NME7: variants seen among roughly 807,000 people sequenced by gnomAD.
The protein encoded by NME7 is nucleoside diphosphate kinase 7.
A neutral mutation model predicts 49.1 loss-of-function variants in NME7; 41 were observed. The observed-to-expected ratio is 0.83, with a 90% CI of 0.65 to 1.08. The LOEUF is 1.08. Ranked by LOEUF, NME7 falls within the 50% of genes least tolerant of loss-of-function variation. The pLI, the probability that NME7 is intolerant of heterozygous loss-of-function variation, is 0.00. For synonymous variants in NME7, 139 were observed against 150.6 expected, an observed-to-expected ratio of 0.92 and a Z score of 0.56; for missense variants, 423 against 463.4, an observed-to-expected ratio of 0.91 and a Z score of 0.80.
intron 11 of NME7, among the ~76,000 whole-genome samples, chr1:169,164,592 T>C (rs569970041): frequency 6.6e-6 from 1 of 152,112 alleles, no homozygotes; most frequent in Non-Finnish European, 1.5e-5. Context: ...CACTATAGTA[T>C]AGGAAGGCAA....
rs192344944 is a variant in NME7, at chr1:169,367,610, G to A, written c.3+98C>T. ...AAAGAGATAACGGGGAGAAGGTCGG[G>A]AGGACCGGACAACTTTAAGTGCCCA... On this transcript the variant is annotated intron_variant, in intron 1 of 11. Coordinates refer to ENST00000367811, the MANE Select transcript of NME7 (RefSeq NM_013330.5). The A allele has an allele frequency of 4.0e-5, 55 of 1,362,792 alleles. No individual in the cohort carries two copies. The East Asian group carries it at 9.1e-4, about 23-fold the overall frequency. 84.4% of individuals were successfully genotyped at this position (1,362,792 alleles called of 1,614,324 possible). A position where few individuals can be genotyped will look rare whatever the true frequency, so the allele number is the denominator to read the frequency against.
chr1:169,251,349 C>T (rs1388096774), intron 7 of NME7, among the ~76,000 whole-genome samples: 2 of 151,722 alleles, frequency 1.3e-5, no homozygotes, highest in African/African-American at 4.8e-5. Flanking sequence ...ACTCCTATAC[C>T]CTAAGTTTAT....
chr1:169,329,998 T>C (rs188411925), intron 1 of NME7, among the ~76,000 whole-genome samples: 22 of 152,240 alleles, frequency 1.4e-4, no homozygotes, highest in African/African-American at 5.1e-4. Flanking sequence ...CAACAGACTT[T>C]TCAATGGGAA....
intron 10 of NME7, among the ~76,000 whole-genome samples, chr1:169,187,509 T>G (rs935395013): frequency 2.0e-5 from 3 of 152,202 alleles, no homozygotes; most frequent in African/African-American, 7.2e-5. Flanking sequence ...ATACCCTTCT[T>G]TGTCTTTTTT....
chr1:169,339,667 C>T (rs1246417703), intron 1 of NME7, among the ~76,000 whole-genome samples: 1 of 152,184 alleles, frequency 6.6e-6, no homozygotes, highest in Non-Finnish European at 1.5e-5. Context: ...ATGTGCTAGA[C>T]ATTTTCCATT....
rs199548503 is a variant in NME7, at chr1:169,317,847, G to GCT, written c.278+5268_278+5269dup. On this transcript the variant is annotated intron_variant, in intron 3 of 11. Transcript: ENST00000367811. ...TCTATCCCTGTTCCCATAAGAAAGTGCTCTCTCTCTCTACTTCTTCCATTT... is the reference window on the plus strand; with the variant it reads ...TCTATCCCTGTTCCCATAAGAAAGTGCTCTCTCTCTCTCTACTTCTTCCATTT... 2.7e-3 allele frequency among the ~76,000 whole-genome samples: 408 copies of GCT among 152,068 alleles called. 2 individuals are homozygous for GCT. Among genetic ancestry groups the GCT allele is most frequent in the African/African-American group, 9.0e-3 (375 of 41,482 alleles).
In NME7 at chr1:169,231,697, G is replaced by A. The variant is rs1411614168; in HGVS notation, c.889-878C>T. Among the ~76,000 whole-genome samples, 5 of 151,336 alleles carry A rather than the reference G, an allele frequency of 3.3e-5. No homozygotes were observed. The East Asian group carries it at 9.6e-4, about 29-fold the overall frequency. ...AGAGTTTATGTTTCTACCAGCCAGAGTGAAAGGCCTTTTTATATGATATAT... is the reference window on the plus strand; with the variant it reads ...AGAGTTTATGTTTCTACCAGCCAGAATGAAAGGCCTTTTTATATGATATAT... On this transcript the variant is annotated intron_variant, in intron 9 of 11. Transcript: ENST00000367811.
intron 10 of NME7, among the ~76,000 whole-genome samples, chr1:169,223,258 C>T (rs1661199431): frequency 6.6e-6 from 1 of 151,934 alleles, no homozygotes; most frequent in Non-Finnish European, 1.5e-5. Flanking sequence ...ATTTAATTTT[C>T]CTCCAATCTA....
At chr1:169,361,562 C>T (rs1279997621) in intron 1 of NME7, among the ~76,000 whole-genome samples, 1 of 152,084 alleles carries the variant, frequency 6.6e-6, no homozygotes, top group Non-Finnish European at 1.5e-5. Flanking sequence ...GGCGGATGAC[C>T]TGAGATCAGG....
intron 6 of NME7, among the ~76,000 whole-genome samples, chr1:169,290,611 C>T (rs1237381832): frequency 1.3e-5 from 2 of 152,118 alleles, no homozygotes; most frequent in African/African-American, 2.4e-5. Context: ...TAGGCAAAGA[C>T]TTCATGACTA....
chr1:169,335,091 T>G (rs1210624496), intron 1 of NME7, among the ~76,000 whole-genome samples: 1 of 152,150 alleles, frequency 6.6e-6, no homozygotes, highest in Non-Finnish European at 1.5e-5. Context: ...GAAATAGGAA[T>G]GCTTTTACGT....
chr1:169,233,453 G>T (rs1030200815), intron 9 of NME7, among the ~76,000 whole-genome samples: 1 of 152,162 alleles, frequency 6.6e-6, no homozygotes, highest in African/African-American at 2.4e-5. Context: ...CTACGGGAAA[G>T]TAGTAAGAGA....
chr1:169,150,306 G>T (rs554617980), intron 11 of NME7, among the ~76,000 whole-genome samples: 2 of 152,026 alleles, frequency 1.3e-5, no homozygotes, highest in Non-Finnish European at 2.9e-5. Context: ...AGAGTCTAAG[G>T]GCAAGCTAGT....
rs145263119 is a variant in NME7, at chr1:169,365,157, G to C, written c.3+2551C>G. Among the ~76,000 whole-genome samples, 15 of 152,156 alleles carry C rather than the reference G, an allele frequency of 9.9e-5. No individual in the cohort carries two copies. In the East Asian group the frequency reaches 2.9e-3, roughly 29 times the overall value. ...CACCTAGACAACTGACTCAGCACAG[G>C]AAGACAGTTTGGAAACACCTATAAA... On this transcript the variant is annotated intron_variant, in intron 1 of 11. Coordinates refer to ENST00000367811, the MANE Select transcript of NME7 (RefSeq NM_013330.5).
intron 9 of NME7, among the ~76,000 whole-genome samples, chr1:169,232,232 A>C (rs543863575): frequency 6.6e-6 from 1 of 152,180 alleles, no homozygotes; most frequent in Non-Finnish European, 1.5e-5. Flanking sequence ...AAGAGCAATA[A>C]ATTTGAAGAC....
At position 169,176,035 on chromosome 1, in the gene NME7, C is replaced by A. The variant is rs1571265419; in HGVS notation, c.991-6481G>T. 2.0e-5 allele frequency among the ~76,000 whole-genome samples: 3 copies of A among 152,280 alleles called. No homozygotes were observed. In the Middle Eastern group the frequency reaches 0.01, roughly 518 times the overall value. On this transcript the variant is annotated intron_variant, in intron 10 of 11. Coordinates refer to ENST00000367811, the MANE Select transcript of NME7 (RefSeq NM_013330.5). ...CAGCACATGCTAAGTGCTCTCTTGACTCCTCCGGCACTTCAAAAATATCTT... is the reference window on the plus strand; with the variant it reads ...CAGCACATGCTAAGTGCTCTCTTGAATCCTCCGGCACTTCAAAAATATCTT...
At chr1:169,159,520 G>A (rs1368860916) in intron 11 of NME7, among the ~76,000 whole-genome samples, 1 of 152,118 alleles carries the variant, frequency 6.6e-6, no homozygotes, top group Non-Finnish European at 1.5e-5. Context: ...TCTTTTCTCC[G>A]ATCCTGCTAT....
chr1:169,342,901 C>T (rs1369856126), intron 1 of NME7, among the ~76,000 whole-genome samples: 2 of 87,454 alleles, frequency 2.3e-5, no homozygotes, highest in African/African-American at 4.5e-5. Context: ...TATACAAGTA[C>T]ATATATATAG....
At chr1:169,287,005 G>T in intron 7 of NME7, 2 of 234,910 alleles carry the variant, frequency 8.5e-6, no homozygotes, top group African/African-American at 4.6e-5. Context: ...ATCACAATTT[G>T]TGATTAGAAA....
Sources: gnomAD v4.1 joint callset for allele counts (sites outside exome capture counted in the v4.1 genomes callset) on GRCh38, gnomAD v4.1.1 for gene constraint, MANE v1.5 for transcripts, NCBI Gene and HGNC (gene_info 2026-07-23, HGNC 2026-07-21) for gene names.